Variants in TTLL2 observed in about 807,000 individuals in gnomAD.
TTLL2 encodes tubulin tyrosine ligase like 2.
A neutral mutation model predicts 7.5 loss-of-function variants in TTLL2; 10 were observed. The observed-to-expected ratio is 1.33, with a 90% CI of 0.82 to 2.25. The LOEUF (loss-of-function observed/expected upper bound fraction) is 2.25. Among genes scored for constraint, TTLL2 ranks in the 30% most tolerant of loss-of-function variants. The pLI is 0.00. For missense variants in TTLL2, 733 were observed against 735.7 expected, an observed-to-expected ratio of 1.00 and a Z score of 0.04; for synonymous variants, 284 against 280.3, an observed-to-expected ratio of 1.01 and a Z score of -0.13.
At chr6:167,340,026 G>A (rs1388551378) in intron 2 of TTLL2, 79 bp from the exon 3 acceptor site, 2 of 1,484,164 alleles carry the variant, frequency 1.3e-6, no homozygotes, top group African/African-American at 1.4e-5. Flanking sequence ...GCAGCACCGG[G>A]TGCACGGTTT....
chr6:167,326,023 G>A (rs530119410), intron 1 of TTLL2, among the ~76,000 whole-genome samples: 2 of 152,292 alleles, frequency 1.3e-5, no homozygotes, highest in African/African-American at 4.8e-5. Context: ...AGGTCATGAT[G>A]AGGGAAGAGA....
At chr6:167,338,824 G>GTTCGTTCCTTCCTTCCTTCC (rs377001028) in intron 2 of TTLL2, 21 bp downstream of exon 2, 2 of 1,061,216 alleles carry the variant, frequency 1.9e-6, no homozygotes, top group East Asian at 3.0e-5. Flanking sequence ...AAGCCAGGTA[G>GTTCGTTCCTTCCTTCCTTCC]TTCCTTCCTT....
chr6:167,328,179 A>G (rs1015551732), intron 1 of TTLL2: 2 of 454,280 alleles, frequency 4.4e-6, no homozygotes, highest in Non-Finnish European at 8.9e-6. Flanking sequence ...CTTGGATGGA[A>G]GAAAGCACCA....
Position 167,340,652 on chromosome 6 carries a change from G to T in TTLL2, c.752G>T (p.Arg251Ile). The change falls in exon 3 of 3, where the codon AGA becomes ATA. Residue 251 changes from arginine to isoleucine, a missense_variant. Physicochemically the swap from Arg to Ile is moderately conservative, Grantham distance 97. Coordinates refer to ENST00000239587, the MANE Select transcript of TTLL2 (RefSeq NM_031949.5). ...ATCTCCAATCCTTTACTTATTGGCA[G>T]ATATAAATGTGATCTCCGCATCTAT... Reference protein sequence around the residue: ...KYISNPLLIGRYKCDLRIYVC... With the variant: ...KYISNPLLIGIYKCDLRIYVC... 6.2e-7 allele frequency: 1 copy of T among 1,614,120 alleles called. No homozygotes were observed. Among genetic ancestry groups the T allele is most frequent in the Non-Finnish European group, 8.5e-7 (1 of 1,179,986 alleles).
intron 1 of TTLL2, among the ~76,000 whole-genome samples, chr6:167,332,501 G>T (rs183193392): frequency 6.6e-6 from 1 of 151,880 alleles, no homozygotes; most frequent in Admixed American, 6.6e-5. Flanking sequence ...GCTTGATGGG[G>T]ATGGCATTGA....
At position 167,340,216 on chromosome 6, in the gene TTLL2, A is replaced by AG; in HGVS notation, c.321dup (p.Trp108ValfsTer3). The stretch of plus-strand genomic sequence containing the variant: ...TGTGGTGCAAAGCGTCCTCCTGGAG[A>AG]GGGGGTGGAATAAGTTTGATAAGCA... On this transcript the variant is annotated frameshift_variant, in exon 3 of 3. Transcript: ENST00000239587. LOFTEE classifies it low-confidence loss of function (END_TRUNC). 1 of 1,613,956 alleles carries AG rather than the reference A, an allele frequency of 6.2e-7. No homozygotes were observed.
At position 167,340,798 on chromosome 6, in the gene TTLL2, A is replaced by G. The variant is rs1199881748; in HGVS notation, c.898A>G (p.Ser300Gly). ...AAACAATTATGCCCATTTGACCAAC[A>G]GCAGCATCAATAAATCCGGGGCCTC... ...LQNNYAHLTN[S>G]SINKSGASYE... is the part of the protein sequence containing the mutation. The change falls in exon 3 of 3, where the codon AGC becomes GGC. Residue 300 changes from serine (S) to glycine (G), a missense_variant. Coordinates refer to ENST00000239587, the MANE Select transcript of TTLL2 (RefSeq NM_031949.5). 1.2e-6 allele frequency: 2 copies of G among 1,614,188 alleles called. No individual in the cohort carries two copies. The highest frequency in any genetic ancestry group is 1.3e-5 in the African/African-American group (1 of 75,020).
At chr6:167,338,836 C>T (rs775000620) in intron 2 of TTLL2, 33 bp downstream of exon 2, 2 of 1,378,644 alleles carry the variant, frequency 1.5e-6, no homozygotes, top group Admixed American at 2.5e-5. Flanking sequence ...TCCTTCCTTC[C>T]TTCCTTCCTT....
chr6:167,339,996 G>T, intron 2 of TTLL2, 109 bp from the exon 3 acceptor site: 1 of 1,224,486 alleles, frequency 8.2e-7, no homozygotes. Context: ...CAGTGGGAGG[G>T]TGGACACACA....
chr6:167,339,612 A>C (rs1427297704), intron 2 of TTLL2, among the ~76,000 whole-genome samples: 3 of 152,188 alleles, frequency 2.0e-5, no homozygotes, highest in Non-Finnish European at 4.4e-5. Context: ...GAACCATGGT[A>C]GGTGCCTGGC....
intron 1 of TTLL2, among the ~76,000 whole-genome samples, chr6:167,334,294 T>C (rs974891518): frequency 6.7e-6 from 1 of 149,074 alleles, no homozygotes; most frequent in Non-Finnish European, 1.5e-5. Flanking sequence ...CTGATTGCAC[T>C]GTGGTCTGAG....
intron 1 of TTLL2, among the ~76,000 whole-genome samples, chr6:167,329,945 A>C (rs1042656308): frequency 6.6e-6 from 1 of 152,204 alleles, no homozygotes; most frequent in African/African-American, 2.4e-5. Context: ...TATATGTATA[A>C]ATATACACCC....
At position 167,341,289 on chromosome 6, in the gene TTLL2, A is replaced by C. The variant is rs1779091572; in HGVS notation, c.1389A>C (p.Arg463Ser). The change falls in exon 3 of 3, where the codon AGA (arginine) becomes AGC (serine). Residue 463 changes from arginine to serine, a missense_variant. Physicochemically the swap from Arg to Ser is moderately radical, Grantham distance 110. Coordinates refer to ENST00000239587, the MANE Select transcript of TTLL2 (RefSeq NM_031949.5). The part of the protein sequence containing the change: ...LPYDSLSFTS[R>S]MYNEDDSVVE... ...ATGATTCTCTTTCGTTCACAAGCAG[A>C]ATGTACAACGAGGATGACTCTGTGG... 6.2e-7 allele frequency: 1 copy of C among 1,613,450 alleles called. No homozygotes were observed. The highest frequency in any genetic ancestry group is 1.1e-5 in the South Asian group (1 of 91,050).
At chr6:167,339,290 C>G (rs1207479402) in intron 2 of TTLL2, among the ~76,000 whole-genome samples, 1 of 152,118 alleles carries the variant, frequency 6.6e-6, no homozygotes, top group Non-Finnish European at 1.5e-5. Context: ...ACATTTTTAT[C>G]AAGAGTCTTT....
rs776011939 is a variant in TTLL2 at position 167,341,216 on chromosome 6, CT to C, written c.1317del (p.Ala440GlnfsTer37). On this transcript the variant is annotated frameshift_variant, in exon 3 of 3. Coordinates refer to ENST00000239587, the MANE Select transcript of TTLL2 (RefSeq NM_031949.5). LOFTEE classifies it low-confidence loss of function (END_TRUNC). ...NATHGNSNIDAAKSDRGGLDA... is the reference protein window; with the variant it reads ...NATHGNSNIDXAKSDRGGLDA... Reference sequence around the variant, plus strand: ...ACACATGGAAATTCCAACATCGACGCTGCAAAAAGTGACAGAGGTGGGCTTG... The same window carrying C: ...ACACATGGAAATTCCAACATCGACGCGCAAAAAGTGACAGAGGTGGGCTTG... 1 of 1,613,622 alleles carries C rather than the reference CT, an allele frequency of 6.2e-7. No homozygotes were observed. The highest frequency in any genetic ancestry group is 2.2e-5 in the East Asian group (1 of 44,826).
intron 1 of TTLL2, among the ~76,000 whole-genome samples, chr6:167,337,214 T>C (rs1209207950): frequency 6.6e-6 from 1 of 152,220 alleles, no homozygotes; most frequent in Admixed American, 6.5e-5. Flanking sequence ...AAAAAGTTCT[T>C]GAGTATGCAT....
In TTLL2 at chr6:167,340,604, A is replaced by G; in HGVS notation, c.704A>G (p.Asp235Gly). ...GACTTTAAAGACTTCATCTTTGATGATATGTACATAGTGCAGAAATATATC... is the reference window on the plus strand; with the variant it reads ...GACTTTAAAGACTTCATCTTTGATGGTATGTACATAGTGCAGAAATATATC... ...FSDFKDFIFDDMYIVQKYISN... is the reference protein window; with the variant it reads ...FSDFKDFIFDGMYIVQKYISN... The change falls in exon 3 of 3, where the codon GAT becomes GGT. Residue 235 changes from aspartate to glycine, a missense_variant. By Grantham distance (94) the Asp-to-Gly change is moderately conservative. Coordinates refer to ENST00000239587, the MANE Select transcript of TTLL2 (RefSeq NM_031949.5). The G allele has an allele frequency of 6.2e-7, 1 of 1,614,190 alleles. No individual in the cohort carries two copies. Among genetic ancestry groups the G allele is most frequent in the South Asian group, 1.1e-5 (1 of 91,086 alleles).
intron 1 of TTLL2, among the ~76,000 whole-genome samples, chr6:167,336,425 C>T (rs1778984054): frequency 6.6e-6 from 1 of 151,826 alleles, no homozygotes; most frequent in African/African-American, 2.4e-5. Context: ...TTGTTGTATA[C>T]TAATTTGTAT....
chr6:167,336,926 T>A (rs144541386), intron 1 of TTLL2, among the ~76,000 whole-genome samples: 44 of 152,216 alleles, frequency 2.9e-4, no homozygotes, highest in Non-Finnish European at 5.4e-4. Context: ...CTTGGGGGGC[T>A]CCTCCCCACC....
Sources: gnomAD v4.1 joint callset for allele counts (sites outside exome capture counted in the v4.1 genomes callset) on GRCh38, gnomAD v4.1.1 for gene constraint, MANE v1.5 for transcripts, NCBI Gene and HGNC (gene_info 2026-07-23, HGNC 2026-07-21) for gene names.